The following FAM167A variants were observed in gnomAD, a reference collection of about 807,000 sequenced individuals.
The protein encoded by FAM167A is family with sequence similarity 167 member A.
FAM167A carries 23 observed loss-of-function variants against 14.9 expected under a neutral mutation model. The observed-to-expected ratio is 1.55, with a 90% CI of 1.11 to 2.19. The LOEUF (loss-of-function observed/expected upper bound fraction) is 2.19, where lower values mean the gene tolerates loss of function less well. Among genes scored for constraint, FAM167A ranks in the 30% most tolerant of loss-of-function variants. FAM167A has a pLI of 0.00. For synonymous variants in FAM167A, 174 were observed against 117.7 expected, an observed-to-expected ratio of 1.48 and a Z score of -3.10; for missense variants, 401 against 281.5, an observed-to-expected ratio of 1.42 and a Z score of -3.04.
At chr8:11,434,000 G>A (rs1308541918) in intron 2 of FAM167A, 1 of 152,196 alleles carries the variant, frequency 6.6e-6, no homozygotes, top group Non-Finnish European at 1.5e-5. Flanking sequence ...ATGATCTTGG[G>A]TTTGGTCCCT....
intron 2 of FAM167A, chr8:11,438,091 A>T (rs2117054987): frequency 2.2e-6 from 1 of 455,694 alleles, no homozygotes; most frequent in Non-Finnish European, 4.4e-6. Context: ...GCCTCACCCC[A>T]CCCCAGCACG....
rs35016569 is a variant in FAM167A, at chr8:11,422,355, CGT to C, written c.*2016_*2017del. 0.043 allele frequency: 5,694 copies of C among 133,966 alleles called. 124 individuals carry two copies. The highest frequency in any genetic ancestry group is 0.071 in the Middle Eastern group (17 of 238). 8.3% of individuals were successfully genotyped at this position (133,966 alleles called of 1,614,324 possible). A position where few individuals can be genotyped will look rare whatever the true frequency, so the allele number is the denominator to read the frequency against. ...AGGATGTTTATGGCATGTTCTCTGTCGTGTGTGTGTGTGTGGGGGTGTGTGTG... is the reference window on the plus strand; with the variant it reads ...AGGATGTTTATGGCATGTTCTCTGTCGTGTGTGTGTGTGGGGGTGTGTGTG... On this transcript the variant is annotated 3_prime_UTR_variant, in exon 3 of 3. Coordinates refer to ENST00000284486, the MANE Select transcript of FAM167A (RefSeq NM_053279.3).
chr8:11,448,716 C>T (rs1806895242), intron 1 of FAM167A, among the ~76,000 whole-genome samples: 1 of 152,264 alleles, frequency 6.6e-6, no homozygotes, highest in South Asian at 2.1e-4. Context: ...CTGCTCCCTT[C>T]CCTCTCTGCT....
At chr8:11,427,009 G>A (rs1805217248) in intron 2 of FAM167A, among the ~76,000 whole-genome samples, 1 of 152,164 alleles carries the variant, frequency 6.6e-6, no homozygotes, top group South Asian at 2.1e-4. Flanking sequence ...CTGTTTTAGG[G>A]TACAGGTCTG....
At chr8:11,431,045 A>G (rs568147447) in intron 2 of FAM167A, among the ~76,000 whole-genome samples, 7 of 152,348 alleles carry the variant, frequency 4.6e-5, no homozygotes, top group East Asian at 3.9e-4. Flanking sequence ...TGACATGGCA[A>G]TGCCACTCCA....
intron 2 of FAM167A, chr8:11,434,987 G>A: frequency 2.2e-6 from 1 of 455,216 alleles, no homozygotes; most frequent in Non-Finnish European, 4.4e-6. Flanking sequence ...TGGGTCCTCT[G>A]CACCTCAGCT....
At chr8:11,473,161 T>C (rs553799791) in intron 1 of FAM167A, among the ~76,000 whole-genome samples, 1 of 152,280 alleles carries the variant, frequency 6.6e-6, no homozygotes, top group East Asian at 1.9e-4. Flanking sequence ...TCCAACTCAA[T>C]AGCCCACGGC....
chr8:11,450,999 G>A (rs1253816881), intron 1 of FAM167A, among the ~76,000 whole-genome samples: 1 of 152,252 alleles, frequency 6.6e-6, no homozygotes, highest in Admixed American at 6.5e-5. Context: ...GACCTAGCTT[G>A]AGGGCCTCCT....
chr8:11,454,169 C>G (rs981191385), intron 1 of FAM167A, among the ~76,000 whole-genome samples: 1 of 152,198 alleles, frequency 6.6e-6, no homozygotes, highest in South Asian at 2.1e-4. Flanking sequence ...TTCTTGACCC[C>G]GACACCGTCT....
chr8:11,441,530 A>G (rs1405329058), intron 2 of FAM167A, among the ~76,000 whole-genome samples: 1 of 152,196 alleles, frequency 6.6e-6, no homozygotes, highest in African/African-American at 2.4e-5. Context: ...TTTCTGGAGC[A>G]TGCATCTCCT....
chr8:11,427,432 C>T (rs927245965), intron 2 of FAM167A, among the ~76,000 whole-genome samples: 2 of 152,228 alleles, frequency 1.3e-5, no homozygotes, highest in Admixed American at 1.3e-4. Context: ...ACTATTTCCT[C>T]TGTCTCCACT....
rs370162158 is a variant in FAM167A at position 11,444,218 on chromosome 8, G to A, written c.194C>T (p.Ala65Val). 8 of 1,612,168 alleles carry A rather than the reference G, an allele frequency of 5.0e-6. No individual in the cohort carries two copies. Among genetic ancestry groups the A allele is most frequent in the Middle Eastern group, 1.6e-4 (1 of 6,066 alleles). The change falls in exon 2 of 3, where the codon GCG (alanine) becomes GTG (valine). Residue 65 changes from alanine to valine, a missense_variant. Ala to Val is a moderately conservative substitution (Grantham distance 64). Transcript: ENST00000284486. The stretch of plus-strand genomic sequence containing the variant: ...CTCCTCCAAGCTCGCCTGTGGCTCC[G>A]CAGCCGGCCTCGGGAAGGGCCAGGT... ...EHTWPFPRPA[A>V]EPQASLEEGE...
intron 2 of FAM167A, among the ~76,000 whole-genome samples, chr8:11,432,618 G>C (rs1805690645): frequency 6.6e-6 from 1 of 152,194 alleles, no homozygotes; most frequent in Admixed American, 6.5e-5. Flanking sequence ...ACTGTTGGGA[G>C]TGAAAATTAG....
At chr8:11,427,702 C>G (rs1451217406) in intron 2 of FAM167A, among the ~76,000 whole-genome samples, 1 of 152,138 alleles carries the variant, frequency 6.6e-6, no homozygotes, top group African/African-American at 2.4e-5. Context: ...CTCTTTTCTC[C>G]TGATTTCATA....
chr8:11,428,389 C>T (rs1038430941), intron 2 of FAM167A, among the ~76,000 whole-genome samples: 2 of 152,256 alleles, frequency 1.3e-5, no homozygotes, highest in East Asian at 3.8e-4. Flanking sequence ...TTTCCATGGA[C>T]TGGACAAAGG....
intron 2 of FAM167A, 76 bp from the exon 3 acceptor site, chr8:11,424,712 G>A (rs148850114): frequency 6.4e-7 from 1 of 1,556,156 alleles, no homozygotes; most frequent in Non-Finnish European, 8.7e-7. Context: ...GGTTAGCAGG[G>A]CCCTGACTAA....
At chr8:11,436,991 A>T (rs1220264644) in intron 2 of FAM167A, among the ~76,000 whole-genome samples, 1 of 152,216 alleles carries the variant, frequency 6.6e-6, no homozygotes, top group African/African-American at 2.4e-5. Flanking sequence ...TCCAAAGGGA[A>T]GTGAGGCAAA....
intron 1 of FAM167A, among the ~76,000 whole-genome samples, chr8:11,459,713 T>A (rs1404133319): frequency 6.6e-6 from 1 of 152,236 alleles, no homozygotes; most frequent in African/African-American, 2.4e-5. Context: ...GGGATTCATT[T>A]CATTTCTTTT....
intron 2 of FAM167A, chr8:11,434,061 A>T (rs2117031983): frequency 6.6e-6 from 1 of 152,352 alleles, no homozygotes; most frequent in Non-Finnish European, 1.5e-5. Context: ...AGTGCCCTTC[A>T]AACACGCTGC....
Sources: allele counts gnomAD v4.1 joint callset (sites outside exome capture counted in the v4.1 genomes callset), GRCh38; gene constraint gnomAD v4.1.1; transcripts MANE v1.5; gene names NCBI Gene and HGNC (gene_info 2026-07-23, HGNC 2026-07-21).